LAMA5: variants seen among roughly 807,000 people sequenced by gnomAD.
LAMA5 encodes the protein laminin subunit alpha 5, also known as laminin subunit alpha-5.
A neutral mutation model predicts 433.4 loss-of-function variants in LAMA5; 260 were observed. The observed-to-expected ratio is 0.60, with a 90% CI of 0.54 to 0.66. The LOEUF (loss-of-function observed/expected upper bound fraction) is 0.66. Ranked by LOEUF, LAMA5 falls within the 30% of genes least tolerant of loss-of-function variation. The pLI is 0.00. For synonymous variants in LAMA5, 2,620 were observed against 2,226.6 expected (o/e 1.18, Z -4.97); for missense variants, 5,378 against 5,258.5 (o/e 1.02, Z -0.70).
chr20:62,324,259 G>C lies in LAMA5; in HGVS notation c.5644-55C>G. ...GTGGACACCCACATCCTACTGCCGA[G>C]TCTGTGCAGCTCCCACCACCCCTGC... On this transcript the variant is annotated intron_variant, in intron 42 of 79. Transcript: ENST00000252999. The surrounding 1 kb of genome is among the most constrained non-coding windows in gnomAD (Gnocchi z 4.4). The C allele has an allele frequency of 1.3e-6, 2 of 1,569,424 alleles. No homozygotes were observed. Among genetic ancestry groups the C allele is most frequent in the Non-Finnish European group, 1.7e-6 (2 of 1,166,492 alleles).
intron 9 of LAMA5, 71 bp downstream of exon 9, chr20:62,346,435 A>G (rs763630342): frequency 4.8e-6 from 7 of 1,471,018 alleles, no homozygotes; most frequent in East Asian, 5.0e-5. Flanking sequence ...AAGCAGCCCC[A>G]AAGGCCCAAG....
intron 52 of LAMA5, 43 bp from the exon 53 acceptor site, chr20:62,318,693 C>A: frequency 6.3e-7 from 1 of 1,595,344 alleles, no homozygotes; most frequent in Non-Finnish European, 8.5e-7. Flanking sequence ...GGAAGCCAGG[C>A]CCCTTCATGA....
Position 62,353,221 on chromosome 20 carries a change from A to T in LAMA5, c.481T>A (p.Phe161Ile). The change falls in exon 3 of 80, where the codon TTT becomes ATT. Residue 161 changes from phenylalanine (F) to isoleucine (I), a missense_variant. Physicochemically the swap from Phe to Ile is conservative, Grantham distance 21. Transcript: ENST00000252999. ...VFHVAYVLIK[F>I]ANSPRPDLWV... ...AGGTCCGGCCGGGGTGAGTTGGCAA[A>T]CTTGATGAGGACGTAGGCCACGTGG... 4 of 1,595,032 alleles carry T rather than the reference A, an allele frequency of 2.5e-6. No homozygotes were observed. The highest frequency in any genetic ancestry group is 3.4e-6 in the Non-Finnish European group (4 of 1,171,554).
chr20:62,310,511 GC>G lies in LAMA5; in HGVS notation c.10507del (p.Ala3503ProfsTer31). Reference sequence around the variant, plus strand: ...TGTGACCCCTGCCATCCGTGTGGGGGCCCCCAGGGGCCTCCCGTGCAGCCTC... The same window carrying G: ...TGTGACCCCTGCCATCCGTGTGGGGGCCCCAGGGGCCTCCCGTGCAGCCTC... ...RLRLHGRPLG[A>X]PTRMAGVTPC... On this transcript the variant is annotated frameshift_variant, in exon 76 of 80. Transcript: ENST00000252999. LOFTEE classifies it high-confidence loss of function. 6.4e-7 allele frequency: 1 copy of G among 1,555,052 alleles called. No individual in the cohort carries two copies. The highest frequency in any genetic ancestry group is 8.6e-7 in the Non-Finnish European group (1 of 1,157,952).
chr20:62,309,584 T>TATGAGGGTGGGAGGTGGGAGGG, intron 79 of LAMA5, 109 bp from the exon 80 acceptor site: 1 of 181,718 alleles, frequency 5.5e-6, no homozygotes, highest in Admixed American at 1.5e-4. Context: ...TTCCACATCA[T>TATGAGGGTGGGAGGTGGGAGGG]AGGAGGGTGG....
At chr20:62,351,868 C>A (rs762476105) in intron 5 of LAMA5, 41 bp downstream of exon 5, 1 of 1,576,472 alleles carries the variant, frequency 6.3e-7, no homozygotes, top group Non-Finnish European at 8.6e-7. Context: ...CGGGTCCACC[C>A]GGCCAGTCCC....
intron 32 of LAMA5, 119 bp from the exon 33 acceptor site, chr20:62,329,372 AGC>A: frequency 3.5e-6 from 2 of 569,796 alleles, no homozygotes; most frequent in African/African-American, 2.4e-5. Flanking sequence ...GCAGCAGCCC[AGC>A]CCAGCCCAGC....
chr20:62,328,205 A>T (rs1265815454), intron 35 of LAMA5, 36 bp downstream of exon 35: 3 of 1,555,694 alleles, frequency 1.9e-6, no homozygotes, highest in Non-Finnish European at 2.6e-6. Context: ...CCTTAAGGCC[A>T]CCAGGGGCCG....
At chr20:62,335,343 C>A in intron 18 of LAMA5, 74 bp from the exon 19 acceptor site, 1 of 1,470,020 alleles carries the variant, frequency 6.8e-7, no homozygotes, top group Non-Finnish European at 9.4e-7. Context: ...GAGGAACCCC[C>A]ACACCCTAAC....
In LAMA5 at chr20:62,311,197, C is replaced by T. The variant is rs771177858; in HGVS notation, c.10053G>A (p.Leu3351=). The T allele has an allele frequency of 1.1e-5, 17 of 1,608,706 alleles. No homozygotes were observed. Among genetic ancestry groups the T allele is most frequent in the Non-Finnish European group, 1.4e-5 (17 of 1,178,230 alleles). ...GTCGGGCCAGGATGCCCACAAACTC[C>T]AGGTGACTGGACAGGGAACCCCCAA... The part of the protein sequence containing the change: ...YQFGGSLSSH[L]EFVGILARHR... The change falls in exon 73 of 80, where the codon CTG becomes CTA. Residue 3351 remains leucine, a synonymous_variant. Transcript: ENST00000252999.
intron 2 of LAMA5, 25 bp from the exon 3 acceptor site, chr20:62,353,276 G>A: frequency 6.6e-7 from 1 of 1,519,614 alleles, no homozygotes; most frequent in Non-Finnish European, 9.0e-7. Context: ...GGCGTCAGGG[G>A]AGCCAGGGGC....
chr20:62,330,417 C>T (rs1398815302), intron 31 of LAMA5, 71 bp downstream of exon 31: 2 of 1,460,842 alleles, frequency 1.4e-6, no homozygotes, highest in Non-Finnish European at 1.8e-6. Flanking sequence ...TAGCACAGGC[C>T]ACGCTGTGGC....
intron 36 of LAMA5, 87 bp downstream of exon 36, chr20:62,327,779 C>T (rs934319797): frequency 6.4e-7 from 1 of 1,571,300 alleles, no homozygotes; most frequent in Non-Finnish European, 8.6e-7. Flanking sequence ...TTCTAGGAAG[C>T]CCCAGCTGCC....
chr20:62,341,715 C>T (rs1208649641), intron 11 of LAMA5, among the ~76,000 whole-genome samples: 1 of 151,560 alleles, frequency 6.6e-6, no homozygotes, highest in Non-Finnish European at 1.5e-5. Context: ...AAAGGAAAAT[C>T]TCTCCTCCCA....
intron 58 of LAMA5, 32 bp downstream of exon 58, chr20:62,315,916 G>A (rs772819032): frequency 2.3e-5 from 34 of 1,498,072 alleles, no homozygotes; most frequent in South Asian, 1.1e-4. Flanking sequence ...ATGGTCGGCC[G>A]GCTGCGAGAG....
Position 62,309,351 on chromosome 20 carries a change from G to A in LAMA5, c.11073C>T (p.Gly3691=), listed in dbSNP as rs1435253810. The A allele has an allele frequency of 1.3e-6, 2 of 1,591,328 alleles. No homozygotes were observed. The highest frequency in any genetic ancestry group is 2.2e-5 in the South Asian group (2 of 89,412). The change falls in exon 80 of 80, where the codon GGC becomes GGT. Residue 3691 remains glycine, a synonymous_variant. Coordinates refer to ENST00000252999, the MANE Select transcript of LAMA5 (RefSeq NM_005560.6). ...TGGCTGTGTCCTAGGCGGCTGGGCA[G>A]CCACTGGCCCCCACTGCCCCGTGGA... ...VEVHGAVGAS[G]CPAA
intron 2 of LAMA5, among the ~76,000 whole-genome samples, chr20:62,361,407 C>A (rs997690172): frequency 6.6e-6 from 1 of 152,218 alleles, no homozygotes; most frequent in African/African-American, 2.4e-5. Flanking sequence ...CCCCTCACTG[C>A]CTGCCCAGCC....
At chr20:62,344,272 A>G (rs1345351658) in intron 11 of LAMA5, among the ~76,000 whole-genome samples, 1 of 151,600 alleles carries the variant, frequency 6.6e-6, no homozygotes, top group African/African-American at 2.4e-5. Context: ...AGACTGTGAT[A>G]TGCCATCAAG....
In LAMA5 at chr20:62,322,046, G is replaced by C. The variant is rs1012727771; in HGVS notation, c.6469C>G (p.Pro2157Ala). 6.3e-7 allele frequency: 1 copy of C among 1,599,312 alleles called. No individual in the cohort carries two copies. The highest frequency in any genetic ancestry group is 1.1e-5 in the South Asian group (1 of 91,088). Residue 2157 changes from proline to alanine, a missense_variant, in exon 48 of 80, where the codon CCT becomes GCT. Pro to Ala is a conservative substitution (Grantham distance 27). Transcript: ENST00000252999. ...QQHQVPVPGG[P>A]VGHSIHCEVC... ...TCACAGTGGATGCTGTGGCCCACAG[G>C]CCCGCCTGGAACAGGCACCTGATGC...
Sources: allele counts gnomAD v4.1 joint callset (sites outside exome capture counted in the v4.1 genomes callset), GRCh38; gene constraint gnomAD v4.1.1; non-coding constraint Gnocchi (gnomAD v3.1); transcripts MANE v1.5; gene names NCBI Gene and HGNC (gene_info 2026-07-23, HGNC 2026-07-21).